The following HCN1 variants were observed in gnomAD, a reference collection of about 807,000 sequenced individuals.
The protein encoded by HCN1 is potassium/sodium hyperpolarization-activated cyclic nucleotide-gated channel 1.
Under a neutral mutation model 78.9 loss-of-function variants are expected in HCN1, and 13 were observed. The observed-to-expected ratio is 0.16, with a 90% CI of 0.11 to 0.26. The LOEUF (loss-of-function observed/expected upper bound fraction) is 0.26. Ranked by LOEUF, HCN1 falls within the 10% of genes least tolerant of loss-of-function variation. HCN1 has a pLI of 1.00. For synonymous variants in HCN1, 552 were observed against 455.5 expected (o/e 1.21, Z -2.70); for missense variants, 810 against 1,154.3 (o/e 0.70, Z 4.32).
chr5:45,297,304 C>A (rs553759775), intron 6 of HCN1, among the ~76,000 whole-genome samples: 1 of 152,180 alleles, frequency 6.6e-6, no homozygotes, highest in East Asian at 1.9e-4. Flanking sequence ...CCACCCTGGG[C>A]GGGCCAGGTG....
At chr5:45,441,330 C>T (rs564830293) in intron 3 of HCN1, among the ~76,000 whole-genome samples, 1 of 130,398 alleles carries the variant, frequency 7.7e-6, no homozygotes, top group African/African-American at 2.9e-5. Flanking sequence ...CTACTCGAGA[C>T]AGAAAACATG....
At chr5:45,335,076 A>G (rs565966420) in intron 5 of HCN1, among the ~76,000 whole-genome samples, 5 of 152,162 alleles carry the variant, frequency 3.3e-5, no homozygotes, top group African/African-American at 7.2e-5. Context: ...CTGACATTCT[A>G]TATTCTACTG....
intron 6 of HCN1, among the ~76,000 whole-genome samples, chr5:45,286,717 T>C (rs1579780429): frequency 6.6e-6 from 1 of 152,036 alleles, no homozygotes; most frequent in African/African-American, 2.4e-5. Flanking sequence ...ACTTAGTGCA[T>C]ACCATTAAAA....
chr5:45,320,948 G>T (rs117524674), intron 5 of HCN1, among the ~76,000 whole-genome samples: 2 of 151,898 alleles, frequency 1.3e-5, no homozygotes, highest in East Asian at 3.9e-4. Context: ...TAAAGCAATA[G>T]AATTTGAGAT....
chr5:45,592,166 G>A (rs1744378222), intron 2 of HCN1, among the ~76,000 whole-genome samples: 1 of 151,822 alleles, frequency 6.6e-6, no homozygotes, highest in South Asian at 2.1e-4. Context: ...CTCTTCTTTG[G>A]CCACTACCAT....
chr5:45,433,286 T>A (rs943307639), intron 3 of HCN1, among the ~76,000 whole-genome samples: 1 of 152,192 alleles, frequency 6.6e-6, no homozygotes, highest in African/African-American at 2.4e-5. Flanking sequence ...TGTTGAAAAC[T>A]TTTTGTATCT....
intron 2 of HCN1, among the ~76,000 whole-genome samples, chr5:45,525,491 T>G (rs1579949463): frequency 6.6e-6 from 1 of 151,470 alleles, no homozygotes; most frequent in East Asian, 1.9e-4. Context: ...ATATAATTAT[T>G]TTATATACTA....
chr5:45,621,974 T>C (rs1745070687), intron 2 of HCN1, among the ~76,000 whole-genome samples: 1 of 152,124 alleles, frequency 6.6e-6, no homozygotes, highest in Non-Finnish European at 1.5e-5. Context: ...TTAATTCTTT[T>C]TCTTGGGAGG....
Position 45,265,531 on chromosome 5 carries a change from C to T in HCN1, c.1783+1558G>A, listed in dbSNP as rs139237113. ...TATATCTAATGATGATGTCCAAATA[C>T]TGCCTTTACTTCTAATCTATTTTCA... is the stretch of plus-strand genomic sequence containing the variant. On this transcript the variant is annotated intron_variant, in intron 7 of 7. Coordinates refer to ENST00000303230, the MANE Select transcript of HCN1 (RefSeq NM_021072.4). 2.4e-4 allele frequency among the ~76,000 whole-genome samples: 37 copies of T among 152,274 alleles called. 2 individuals are homozygous for T. Among genetic ancestry groups the T allele is most frequent in the African/African-American group, 7.9e-4 (33 of 41,548 alleles).
chr5:45,372,899 G>T (rs866576107), intron 4 of HCN1, among the ~76,000 whole-genome samples: 1 of 139,356 alleles, frequency 7.2e-6, no homozygotes, highest in African/African-American at 2.6e-5. Flanking sequence ...AAATATGTAC[G>T]TATTCTATAC....
At chr5:45,381,377 A>C (rs1747804195) in intron 4 of HCN1, among the ~76,000 whole-genome samples, 1 of 152,102 alleles carries the variant, frequency 6.6e-6, no homozygotes, top group Non-Finnish European at 1.5e-5. Flanking sequence ...TGAATTTTTT[A>C]CTTTCTACTA....
chr5:45,302,408 A>G (rs973126121), intron 6 of HCN1, among the ~76,000 whole-genome samples: 1 of 152,018 alleles, frequency 6.6e-6, no homozygotes, highest in African/African-American at 2.4e-5. Flanking sequence ...TTAAGTCTCT[A>G]TTCTTTATAA....
chr5:45,537,523 C>A (rs145793981), intron 2 of HCN1, among the ~76,000 whole-genome samples: 3 of 25,768 alleles, frequency 1.2e-4, no homozygotes, highest in African/African-American at 4.9e-4. Context: ...AACTCTAAGT[C>A]TTTTTTTTTT....
intron 5 of HCN1, among the ~76,000 whole-genome samples, chr5:45,315,640 A>C (rs1204098562): frequency 2.0e-5 from 3 of 152,236 alleles, no homozygotes; most frequent in Admixed American, 1.3e-4. Context: ...GTTTTTGAAA[A>C]GATCAAGAAA....
chr5:45,376,055 TA>T (rs1451228140), intron 4 of HCN1, among the ~76,000 whole-genome samples: 1 of 112,420 alleles, frequency 8.9e-6, no homozygotes, highest in Non-Finnish European at 1.6e-5. Context: ...ATATATATTA[TA>T]TACAATATAA....
intron 2 of HCN1, among the ~76,000 whole-genome samples, chr5:45,501,887 G>A (rs561893585): frequency 3.3e-5 from 5 of 152,160 alleles, no homozygotes; most frequent in South Asian, 2.1e-4. Context: ...TAGATACAGC[G>A]TTTTATTAGA....
At chr5:45,297,168 G>C (rs556401234) in intron 6 of HCN1, among the ~76,000 whole-genome samples, 1 of 152,166 alleles carries the variant, frequency 6.6e-6, no homozygotes, top group East Asian at 1.9e-4. Context: ...TATCTCTTAT[G>C]GGAAACGAAG....
chr5:45,314,478 C>T (rs1378950339), intron 5 of HCN1, among the ~76,000 whole-genome samples: 1 of 152,190 alleles, frequency 6.6e-6, no homozygotes, highest in Non-Finnish European at 1.5e-5. Context: ...AACCAGCTAA[C>T]ATCATAATGA....
chr5:45,375,740 T>G (rs1747620489), intron 4 of HCN1, among the ~76,000 whole-genome samples: 3 of 117,622 alleles, frequency 2.6e-5, no homozygotes. Flanking sequence ...TTATGATATA[T>G]CTTATATATA....
Sources: gnomAD v4.1 joint callset for allele counts (sites outside exome capture counted in the v4.1 genomes callset) on GRCh38, gnomAD v4.1.1 for gene constraint, MANE v1.5 for transcripts, NCBI Gene and HGNC (gene_info 2026-07-23, HGNC 2026-07-21) for gene names.